Variants in RSU1 observed in about 807,000 individuals in gnomAD.
RSU1 encodes the protein rsu-1.
In RSU1, 26 loss-of-function variants were observed where a neutral mutation model predicts 31.1. The observed-to-expected ratio is 0.84, with a 90% CI of 0.61 to 1.16. The LOEUF (loss-of-function observed/expected upper bound fraction) is 1.16. Among genes scored for constraint, RSU1 ranks in the 50% most tolerant of loss-of-function variants. The probability of loss-of-function intolerance (pLI) is 0.00; values close to 1 mark genes in which losing one functional copy is unlikely to be tolerated. For synonymous variants in RSU1, 164 were observed against 136.3 expected, an observed-to-expected ratio of 1.20 and a Z score of -1.41; for missense variants, 320 against 339.1, an observed-to-expected ratio of 0.94 and a Z score of 0.44.
chr10:16,752,488 T>A, intron 7 of RSU1, 51 bp downstream of exon 7: 1 of 1,343,184 alleles, frequency 7.4e-7, no homozygotes, highest in Non-Finnish European at 1.1e-6. Context: ...TACATTAGGA[T>A]AATTGTTATT....
chr10:16,816,947 C>T (rs754132242), intron 2 of RSU1, 26 bp downstream of exon 2: 32 of 1,515,136 alleles, frequency 2.1e-5, no homozygotes, highest in Non-Finnish European at 1.8e-5. Context: ...AGCTCATCCA[C>T]GGGAGAGTCC....
rs562100105 is a variant in RSU1, at chr10:16,674,382, C to T, written c.731+20641G>A. Among the ~76,000 whole-genome samples, 51 of 147,318 alleles carry T rather than the reference C, an allele frequency of 3.5e-4. 1 individual carries two copies. The highest frequency in any genetic ancestry group is 1.3e-3 in the South Asian group (6 of 4,652). On this transcript the variant is annotated intron_variant, in intron 8 of 8. Transcript: ENST00000345264. The stretch of plus-strand genomic sequence containing the variant: ...AAAGGGAAACACTGAAAATGTGTCA[C>T]GGATGTGTCACGGAAGGTTTTTTTT...
At chr10:16,661,281 A>T in intron 8 of RSU1, among the ~76,000 whole-genome samples, 1 of 120,524 alleles carries the variant, frequency 8.3e-6, no homozygotes, top group African/African-American at 3.9e-5. Context: ...TGATATGTAG[A>T]GAGTGCGTGT....
intron 8 of RSU1, among the ~76,000 whole-genome samples, chr10:16,672,103 C>G (rs1835116181): frequency 6.7e-6 from 1 of 148,828 alleles, no homozygotes; most frequent in South Asian, 2.2e-4. Context: ...CTGAGACCAT[C>G]CTGGCTAACA....
intron 8 of RSU1, among the ~76,000 whole-genome samples, chr10:16,682,535 TACAC>T (rs68128821): frequency 0.027 from 716 of 26,484 alleles, 6 homozygotes; most frequent in Non-Finnish European, 0.042. Context: ...AAATCATTCA[TACAC>T]ACACACACAC....
chr10:16,731,056 C>A (rs1170514148), intron 7 of RSU1, among the ~76,000 whole-genome samples: 1 of 152,124 alleles, frequency 6.6e-6, no homozygotes, highest in East Asian at 1.9e-4. Flanking sequence ...ACTCCTGATG[C>A]ACCTGCCTTA....
rs74783452 is a variant in RSU1 at position 16,743,593 on chromosome 10, A to G, written c.598+8946T>C. ...TCATGCGAAAGTGGCACAGTTTACA[A>G]TTCCATAAAGAACATCCTTGTCACT... On this transcript the variant is annotated intron_variant, in intron 7 of 8. Transcript: ENST00000345264. Among the ~76,000 whole-genome samples the G allele has an allele frequency of 3.0e-3, 454 of 152,324 alleles. 4 individuals are homozygous for G. The East Asian group carries it at 0.05, about 17-fold the overall frequency.
At chr10:16,713,631 T>C (rs1836067433) in intron 7 of RSU1, among the ~76,000 whole-genome samples, 1 of 152,366 alleles carries the variant, frequency 6.6e-6, no homozygotes, top group East Asian at 1.9e-4. Context: ...TATTCTCTTG[T>C]ATCTCCATGA....
intron 7 of RSU1, among the ~76,000 whole-genome samples, chr10:16,708,881 C>T (rs999629299): frequency 6.6e-6 from 1 of 151,406 alleles, no homozygotes; most frequent in Admixed American, 6.6e-5. Flanking sequence ...AGTTAATGAA[C>T]CAATATTAAT....
At chr10:16,800,982 G>A (rs1397900429) in intron 2 of RSU1, among the ~76,000 whole-genome samples, 1 of 147,462 alleles carries the variant, frequency 6.8e-6, no homozygotes, top group African/African-American at 2.5e-5. Context: ...AAGAACAAGG[G>A]CAAGAATAGA....
chr10:16,662,680 C>G (rs1564306271), intron 8 of RSU1, among the ~76,000 whole-genome samples: 1 of 152,118 alleles, frequency 6.6e-6, no homozygotes, highest in Non-Finnish European at 1.5e-5. Context: ...GAAAATGGTG[C>G]TGAAATTCTA....
At chr10:16,744,301 C>T (rs1836806368) in intron 7 of RSU1, among the ~76,000 whole-genome samples, 1 of 151,966 alleles carries the variant, frequency 6.6e-6, no homozygotes, top group Non-Finnish European at 1.5e-5. Context: ...AATATGTAGA[C>T]AAGTGACAAA....
intron 8 of RSU1, among the ~76,000 whole-genome samples, chr10:16,649,270 G>T (rs1204499856): frequency 6.6e-6 from 1 of 152,102 alleles, no homozygotes; most frequent in Non-Finnish European, 1.5e-5. Flanking sequence ...ATGAAAACGA[G>T]GAATTAAATC....
intron 7 of RSU1, among the ~76,000 whole-genome samples, chr10:16,739,304 T>G (rs966935279): frequency 6.6e-5 from 10 of 152,230 alleles, no homozygotes; most frequent in South Asian, 2.1e-4. Context: ...TCCAGAATGG[T>G]TGAACTAATT....
chr10:16,744,142 AAAAG>A (rs1186304099), intron 7 of RSU1, among the ~76,000 whole-genome samples: 18 of 152,090 alleles, frequency 1.2e-4, no homozygotes, highest in South Asian at 4.1e-4. Context: ...AAAAAAAAAA[AAAAG>A]AAAGAAAGAA....
intron 2 of RSU1, among the ~76,000 whole-genome samples, chr10:16,783,084 A>AT (rs925895457): frequency 6.6e-6 from 1 of 150,978 alleles, no homozygotes; most frequent in Non-Finnish European, 1.5e-5. Flanking sequence ...CTAATTTTGT[A>AT]TTTTTTGTAG....
intron 8 of RSU1, among the ~76,000 whole-genome samples, chr10:16,684,044 T>C (rs1322280142): frequency 6.6e-6 from 1 of 152,190 alleles, no homozygotes; most frequent in African/African-American, 2.4e-5. Context: ...AGACAACAGA[T>C]GACAAATGTT....
chr10:16,760,096 G>A (rs558072295), intron 4 of RSU1, among the ~76,000 whole-genome samples: 10 of 152,102 alleles, frequency 6.6e-5, no homozygotes, highest in Non-Finnish European at 1.0e-4. Flanking sequence ...TGACAACTCC[G>A]TCTATGTAGC....
chr10:16,754,373 T>C (rs1321868227), intron 5 of RSU1, among the ~76,000 whole-genome samples: 1 of 152,210 alleles, frequency 6.6e-6, no homozygotes, highest in Non-Finnish European at 1.5e-5. Context: ...AATGCCTGTG[T>C]ACTGGATAAA....
Sources: gnomAD v4.1 joint callset for allele counts (sites outside exome capture counted in the v4.1 genomes callset) on GRCh38, gnomAD v4.1.1 for gene constraint, MANE v1.5 for transcripts, NCBI Gene and HGNC (gene_info 2026-07-23, HGNC 2026-07-21) for gene names.